ANO3: variants seen among roughly 807,000 people sequenced by gnomAD.
The protein encoded by ANO3 is anoctamin-3.
ANO3 carries 99 observed loss-of-function variants against 144.8 expected under a neutral mutation model. The observed-to-expected ratio is 0.68, with a 90% CI of 0.58 to 0.81. ANO3 has a LOEUF of 0.81. Ranked by LOEUF, ANO3 falls within the 30% of genes least tolerant of loss-of-function variation. The pLI, the probability that ANO3 is intolerant of heterozygous loss-of-function variation, is 0.00. For synonymous variants in ANO3, 414 were observed against 392.6 expected, an observed-to-expected ratio of 1.05 and a Z score of -0.64; for missense variants, 905 against 1,202.2, an observed-to-expected ratio of 0.75 and a Z score of 3.66.
At chr11:26,335,555 C>T (rs915626297) in intron 1 of ANO3, among the ~76,000 whole-genome samples, 4 of 152,088 alleles carry the variant, frequency 2.6e-5, no homozygotes, top group Non-Finnish European at 5.9e-5. Context: ...AGGAAAACTT[C>T]CAAAAAATTC....
At chr11:26,406,680 T>C (rs1857285620) in intron 1 of ANO3, among the ~76,000 whole-genome samples, 1 of 22,816 alleles carries the variant, frequency 4.4e-5, no homozygotes, top group Non-Finnish European at 8.4e-5. Flanking sequence ...TATGGCAGTG[T>C]GTGTGTGTGT....
At position 26,434,532 on chromosome 11, in the gene ANO3, G is replaced by T. The variant is rs183371868; in HGVS notation, c.47-7386G>T. ...GTTGTGATGTTAGGTTGTTAATTTG[G>T]GATCTTTCTAACTTATTGATGTGGG... On this transcript the variant is annotated intron_variant, in intron 1 of 26. Transcript: ENST00000256737. Among the ~76,000 whole-genome samples, 436 of 151,952 alleles carry T rather than the reference G, an allele frequency of 2.9e-3. 3 individuals are homozygous for T. Among genetic ancestry groups the T allele is most frequent in the Admixed American group, 0.017 (266 of 15,258 alleles).
intron 1 of ANO3, among the ~76,000 whole-genome samples, chr11:26,425,409 A>G (rs1360200085): frequency 6.6e-6 from 1 of 152,028 alleles, no homozygotes; most frequent in Admixed American, 6.6e-5. Flanking sequence ...TCTTTAAATT[A>G]ATACATTTGA....
chr11:26,410,510 T>C (rs1163466489), intron 1 of ANO3, among the ~76,000 whole-genome samples: 1 of 151,958 alleles, frequency 6.6e-6, no homozygotes, highest in Non-Finnish European at 1.5e-5. Flanking sequence ...TTCCAAATCA[T>C]TACCTTCAGA....
intron 4 of ANO3, among the ~76,000 whole-genome samples, chr11:26,506,203 T>C (rs975972839): frequency 6.6e-6 from 1 of 152,172 alleles, no homozygotes; most frequent in African/African-American, 2.4e-5. Flanking sequence ...CCTTTTTTGT[T>C]ACCCTTTTTA....
intron 1 of ANO3, among the ~76,000 whole-genome samples, chr11:26,434,536 CT>C (rs1330099588): frequency 6.6e-6 from 1 of 152,070 alleles, no homozygotes; most frequent in Non-Finnish European, 1.5e-5. Context: ...AATTTGGGAT[CT>C]TTCTAACTTA....
chr11:26,289,980 A>G (rs118064473), intron 1 of ANO3, among the ~76,000 whole-genome samples: 3,238 of 151,314 alleles, frequency 0.021, 57 homozygotes, highest in East Asian at 0.12. Flanking sequence ...TGATTGGAAG[A>G]AATGGTATCA....
chr11:26,433,291 G>T (rs371616468), intron 1 of ANO3, among the ~76,000 whole-genome samples: 2 of 152,248 alleles, frequency 1.3e-5, no homozygotes, highest in African/African-American at 4.8e-5. Flanking sequence ...AGAGCTTTGG[G>T]TCTGAGACTA....
In ANO3 at chr11:26,660,613, T is replaced by G; in HGVS notation, c.*169T>G. ...CTGGGATTTGAAATATCCAGACTTG[T>G]AGGGAAGAAAACAATGACTTGACGA... On this transcript the variant is annotated 3_prime_UTR_variant, in exon 27 of 27. Transcript: ENST00000256737. The G allele has an allele frequency of 1.7e-6, 1 of 603,028 alleles. No individual in the cohort carries two copies. The highest frequency in any genetic ancestry group is 1.9e-5 in the African/African-American group (1 of 52,486). 37.4% of individuals were successfully genotyped at this position (603,028 alleles called of 1,614,324 possible). A position where few individuals can be genotyped will look rare whatever the true frequency, so the allele number is the denominator to read the frequency against.
chr11:26,593,196 G>A (rs369283238), intron 14 of ANO3, among the ~76,000 whole-genome samples: 7 of 152,076 alleles, frequency 4.6e-5, no homozygotes, highest in African/African-American at 1.7e-4. Context: ...TTGCTGCGTG[G>A]GCATAGGGGA....
intron 1 of ANO3, among the ~76,000 whole-genome samples, chr11:26,335,312 A>G (rs1455228967): frequency 1.3e-5 from 2 of 152,142 alleles, no homozygotes; most frequent in African/African-American, 4.8e-5. Context: ...GATTTTCCTT[A>G]CTAAAATTCA....
Position 26,531,213 on chromosome 11 carries a change from C to G in ANO3, c.746C>G (p.Thr249Ser), listed in dbSNP as rs377576398. The change falls in exon 8 of 27, where the codon ACT (threonine) becomes AGT (serine). Residue 249 changes from threonine to serine, a missense_variant. Thr to Ser is a moderately conservative substitution (Grantham distance 58, BLOSUM62 1). Coordinates refer to ENST00000256737, the MANE Select transcript of ANO3 (RefSeq NM_031418.4). ...ATGTGACTTCATTCCAGGATGCAAA[C>G]TTATTTTAGAAGAATCAAAAACTGG... ...GRSKSMGRMQTYFRRIKNWMA... is the reference protein window; with the variant it reads ...GRSKSMGRMQSYFRRIKNWMA... 1.5e-5 allele frequency: 24 copies of G among 1,613,776 alleles called. No individual in the cohort carries two copies. The African/African-American group carries it at 2.9e-4, about 20-fold the overall frequency.
At chr11:26,332,874 C>T (rs1855092413) in intron 1 of ANO3, among the ~76,000 whole-genome samples, 1 of 152,058 alleles carries the variant, frequency 6.6e-6, no homozygotes, top group African/African-American at 2.4e-5. Context: ...GTTTCAAGTT[C>T]TTGAGGTTAG....
intron 1 of ANO3, among the ~76,000 whole-genome samples, chr11:26,243,464 GA>G (rs982293477): frequency 2.3e-4 from 32 of 136,956 alleles, no homozygotes; most frequent in Admixed American, 5.0e-4. Flanking sequence ...CTGCAATAAA[GA>G]AAAAAAAAAG....
chr11:26,648,559 A>G (rs1380992624), intron 24 of ANO3, among the ~76,000 whole-genome samples: 2 of 151,860 alleles, frequency 1.3e-5, no homozygotes, highest in African/African-American at 2.4e-5. Context: ...AGTTGTGGCA[A>G]CCATAATTAT....
chr11:26,491,853 C>A (rs1232003339), intron 4 of ANO3, among the ~76,000 whole-genome samples: 1 of 151,626 alleles, frequency 6.6e-6, no homozygotes, highest in Non-Finnish European at 1.5e-5. Context: ...TTGAAGTTTT[C>A]TGAAAAAAAA....
chr11:26,422,416 T>C (rs1857779533), intron 1 of ANO3, among the ~76,000 whole-genome samples: 1 of 152,068 alleles, frequency 6.6e-6, no homozygotes, highest in African/African-American at 2.4e-5. Flanking sequence ...TTTTAAAAGA[T>C]ATCTGTAATT....
chr11:26,646,944 A>G (rs940293512), intron 23 of ANO3, among the ~76,000 whole-genome samples: 1 of 152,134 alleles, frequency 6.6e-6, no homozygotes, highest in Non-Finnish European at 1.5e-5. Context: ...ATTTTTAATT[A>G]CAAATCAATG....
intron 1 of ANO3, among the ~76,000 whole-genome samples, chr11:26,325,911 A>G (rs942545088): frequency 6.6e-6 from 1 of 152,160 alleles, no homozygotes; most frequent in African/African-American, 2.4e-5. Flanking sequence ...TACAGGTTAG[A>G]GACCTAGATC....
Sources: gnomAD v4.1 joint callset for allele counts (sites outside exome capture counted in the v4.1 genomes callset) on GRCh38, gnomAD v4.1.1 for gene constraint, MANE v1.5 for transcripts, NCBI Gene and HGNC (gene_info 2026-07-23, HGNC 2026-07-21) for gene names.